The following ZFP64 variants were observed in gnomAD, a reference collection of about 807,000 sequenced individuals.
ZFP64 encodes zinc finger protein 64.
ZFP64 carries 14 observed loss-of-function variants against 51.6 expected under a neutral mutation model. The ratio of observed to expected loss-of-function variants is 0.27; its 90% CI spans 0.18 to 0.42. The LOEUF (loss-of-function observed/expected upper bound fraction) is 0.42. Ranked by LOEUF, ZFP64 falls within the 10% of genes least tolerant of loss-of-function variation. ZFP64 has a pLI of 1.00. For missense variants in ZFP64, 754 were observed against 906.8 expected (o/e 0.83, Z 2.16); for synonymous variants, 375 against 361.4 (o/e 1.04, Z -0.43).
At chr20:52,120,156 G>T (rs903442807) in intron 5 of ZFP64, among the ~76,000 whole-genome samples, 4 of 152,150 alleles carry the variant, frequency 2.6e-5, no homozygotes, top group Non-Finnish European at 5.9e-5. Context: ...ATGAGAAAGT[G>T]GGGTCCTTGC....
Position 52,085,866 on chromosome 20 carries a change from A to G in ZFP64, c.1229-600T>C, listed in dbSNP as rs951747427. 6.6e-6 allele frequency among the ~76,000 whole-genome samples: 1 copy of G among 152,166 alleles called. No individual in the cohort carries two copies. The highest frequency in any genetic ancestry group is 2.4e-5 in the African/African-American group (1 of 41,440). On this transcript the variant is annotated intron_variant, in intron 8 of 8. Transcript: ENST00000361387. This position sits in a 1 kb window ranked among gnomAD's most constrained non-coding sequence, Gnocchi z 4.3. Reference sequence around the variant, plus strand: ...TGGTCTTTAGAGTCCCATTCCCTGGAGACATTGCTAAGGGTTTCTAGTTGT... The same window carrying G: ...TGGTCTTTAGAGTCCCATTCCCTGGGGACATTGCTAAGGGTTTCTAGTTGT...
chr20:52,136,496 G>A (rs954089087), intron 5 of ZFP64, among the ~76,000 whole-genome samples: 1 of 152,008 alleles, frequency 6.6e-6, no homozygotes, highest in Non-Finnish European at 1.5e-5. Flanking sequence ...AATACAACTT[G>A]TATTTCTATA....
intron 7 of ZFP64, among the ~76,000 whole-genome samples, chr20:52,089,231 A>G (rs565617748): frequency 6.6e-6 from 1 of 152,302 alleles, no homozygotes; most frequent in East Asian, 1.9e-4. Context: ...TACCCAATAA[A>G]CAAATGCTTG....
Position 52,151,406 on chromosome 20 carries a change from T to TA in ZFP64, c.*739dup, listed in dbSNP as rs778312049. 24 of 985,418 alleles carry TA rather than the reference T, an allele frequency of 2.4e-5. No homozygotes were observed. The highest frequency in any genetic ancestry group is 2.7e-5 in the Non-Finnish European group (22 of 829,942). The allele number at this position is 985,418 out of a possible 1,614,324, so 61.0% of individuals were successfully genotyped here. ...AAATGGTCCTTCATGCCAACAGACT[T>TA]ACATGTATAAAACATGAACACCCCC... On this transcript the variant is annotated 3_prime_UTR_variant, in exon 6 of 6. Coordinates refer to ENST00000216923, the MANE Select transcript of ZFP64 (RefSeq NM_018197.3).
At chr20:52,147,999 T>C (rs909186963), downstream of ZFP64, among the ~76,000 whole-genome samples, 1 of 152,186 alleles carries the variant, frequency 6.6e-6, no homozygotes, top group African/African-American at 2.4e-5. Context: ...AATATTTTCA[T>C]AGTTGTGCTT....
chr20:52,093,635 C>G (rs1303353137), intron 7 of ZFP64, among the ~76,000 whole-genome samples: 1 of 152,240 alleles, frequency 6.6e-6, no homozygotes, highest in Non-Finnish European at 1.5e-5. Context: ...GGTCGTACCA[C>G]ATTACACTCA....
chr20:52,180,131 G>A (rs1415309422), intron 2 of ZFP64, among the ~76,000 whole-genome samples: 3 of 152,200 alleles, frequency 2.0e-5, no homozygotes, highest in Non-Finnish European at 4.4e-5. Flanking sequence ...ATGTTCAACA[G>A]TAGAACAGCA....
chr20:52,151,882 C>A lies in ZFP64; in HGVS notation c.*264G>T. ...TGAAACCCCGTCTCTACTAAATATA[C>A]AAAAATTAGCCAGTCATGATGTCGT... is the stretch of plus-strand genomic sequence containing the variant. On this transcript the variant is annotated 3_prime_UTR_variant, in exon 6 of 6. Transcript: ENST00000216923. 1.0e-6 allele frequency: 1 copy of A among 983,682 alleles called. No individual in the cohort carries two copies. The highest frequency in any genetic ancestry group is 1.3e-6 in the Non-Finnish European group (1 of 749,306). The allele number at this position is 983,682 out of a possible 1,614,324, so 60.9% of individuals were successfully genotyped here.
chr20:52,133,714 T>C (rs896353844), intron 5 of ZFP64, among the ~76,000 whole-genome samples: 1 of 152,126 alleles, frequency 6.6e-6, no homozygotes, highest in African/African-American at 2.4e-5. Flanking sequence ...CACTGTGCCT[T>C]GGGTAGTGGT....
chr20:52,115,412 CTTT>C (rs764698548), intron 5 of ZFP64, among the ~76,000 whole-genome samples: 12 of 124,088 alleles, frequency 9.7e-5, no homozygotes, highest in Admixed American at 2.5e-4. Flanking sequence ...CTCGCTACAG[CTTT>C]TTTTTTTTTT....
intron 5 of ZFP64, among the ~76,000 whole-genome samples, chr20:52,114,626 G>T (rs935995699): frequency 1.3e-5 from 2 of 152,186 alleles, no homozygotes; most frequent in Admixed American, 1.3e-4. Context: ...AGAGTACAGG[G>T]AAATTGGTTT....
intron 5 of ZFP64, among the ~76,000 whole-genome samples, chr20:52,129,303 C>T (rs1365534154): frequency 6.6e-6 from 1 of 150,376 alleles, no homozygotes; most frequent in Non-Finnish European, 1.5e-5. Flanking sequence ...TGGGGTTTCA[C>T]CGTGTTAGCC....
intron 5 of ZFP64, among the ~76,000 whole-genome samples, chr20:52,133,037 A>G (rs1172996570): frequency 6.6e-6 from 1 of 152,214 alleles, no homozygotes; most frequent in Non-Finnish European, 1.5e-5. Context: ...TCTGGAATGC[A>G]AGGATGACTC....
At chr20:52,105,406 G>A in intron 5 of ZFP64, 2 of 1,225,882 alleles carry the variant, frequency 1.6e-6, no homozygotes, top group Non-Finnish European at 2.0e-6. Context: ...TGATTGGCCT[G>A]GAGCCAAGAC....
intron 7 of ZFP64, among the ~76,000 whole-genome samples, chr20:52,093,004 G>A (rs945017257): frequency 6.6e-6 from 1 of 152,116 alleles, no homozygotes; most frequent in African/African-American, 2.4e-5. Context: ...AATAGCCTCT[G>A]GTTTGGACAT....
chr20:52,092,250 T>G (rs534204953), intron 7 of ZFP64, among the ~76,000 whole-genome samples: 1 of 152,352 alleles, frequency 6.6e-6, no homozygotes, highest in South Asian at 2.1e-4. Flanking sequence ...CTCTGCTGTT[T>G]GGTGCTTTCC....
At chr20:52,138,114 G>C (rs993867115) in intron 5 of ZFP64, among the ~76,000 whole-genome samples, 5 of 152,030 alleles carry the variant, frequency 3.3e-5, no homozygotes, top group African/African-American at 1.2e-4. Context: ...GGCTGAGGTG[G>C]GAGGATCACT....
intron 7 of ZFP64, among the ~76,000 whole-genome samples, chr20:52,094,430 G>C (rs1417435071): frequency 6.6e-6 from 1 of 152,146 alleles, no homozygotes; most frequent in Non-Finnish European, 1.5e-5. Flanking sequence ...TCTCCTTTAC[G>C]AAGCTAAATA....
chr20:52,092,541 G>T (rs531495740), intron 7 of ZFP64, among the ~76,000 whole-genome samples: 1 of 152,234 alleles, frequency 6.6e-6, no homozygotes, highest in South Asian at 2.1e-4. Flanking sequence ...GTAAAACTGC[G>T]AAGTCTGGAT....
Sources: gnomAD v4.1 joint callset for allele counts (sites outside exome capture counted in the v4.1 genomes callset) on GRCh38, gnomAD v4.1.1 for gene constraint, Gnocchi (gnomAD v3.1) non-coding constraint, MANE v1.5 for transcripts, NCBI Gene and HGNC (gene_info 2026-07-23, HGNC 2026-07-21) for gene names.